Variants in RNF150 observed in about 807,000 individuals in gnomAD.
The protein encoded by RNF150 is ring finger protein 150.
In RNF150, 24 loss-of-function variants were observed where a neutral mutation model predicts 39.3. The observed-to-expected ratio is 0.61, with a 90% CI of 0.44 to 0.86. The LOEUF is 0.86. RNF150 is among the 40% of genes least tolerant of loss of function. The pLI is 0.00. For missense variants in RNF150, 502 were observed against 587.8 expected (o/e 0.85, Z 1.51); for synonymous variants, 255 against 227.3 (o/e 1.12, Z -1.10).
intron 1 of RNF150, among the ~76,000 whole-genome samples, chr4:141,038,612 G>A (rs1189424691): frequency 1.3e-5 from 2 of 151,960 alleles, no homozygotes; most frequent in African/African-American, 2.4e-5. Flanking sequence ...GATTGGTTGA[G>A]TATGGGAGGT....
At chr4:140,873,315 A>C (rs55784158) in intron 6 of RNF150, among the ~76,000 whole-genome samples, 21,491 of 152,122 alleles carry the variant, frequency 0.14, 1,833 homozygotes, top group East Asian at 0.39. Context: ...AAATGGGCTA[A>C]ATCAGTGGTT....
intron 6 of RNF150, among the ~76,000 whole-genome samples, chr4:140,894,121 T>G (rs1199730893): frequency 6.6e-6 from 1 of 152,220 alleles, no homozygotes; most frequent in African/African-American, 2.4e-5. Context: ...TGAGATCTGT[T>G]CTTAAGAAAC....
chr4:141,060,339 G>A (rs1484084207), intron 1 of RNF150, among the ~76,000 whole-genome samples: 2 of 152,142 alleles, frequency 1.3e-5, no homozygotes, highest in Admixed American at 6.5e-5. Flanking sequence ...TACTTGGGAA[G>A]TTCAGGCGGG....
intron 1 of RNF150, among the ~76,000 whole-genome samples, chr4:141,112,991 T>A (rs954598061): frequency 6.6e-6 from 1 of 152,068 alleles, no homozygotes; most frequent in African/African-American, 2.4e-5. Flanking sequence ...CAATTTCTGA[T>A]AACCTTTCTT....
chr4:141,012,421 T>C (rs1735106269), intron 1 of RNF150, among the ~76,000 whole-genome samples: 1 of 152,248 alleles, frequency 6.6e-6, no homozygotes. Flanking sequence ...ATATGGTGTG[T>C]ATGTATGTGT....
chr4:141,198,003 C>T (rs965861584), intron 1 of RNF150, among the ~76,000 whole-genome samples: 19 of 151,554 alleles, frequency 1.3e-4, no homozygotes, highest in African/African-American at 3.4e-4. Context: ...TTATTCACTA[C>T]GAACTATCTT....
chr4:140,976,079 C>T (rs544639347), intron 1 of RNF150, among the ~76,000 whole-genome samples: 26 of 152,156 alleles, frequency 1.7e-4, no homozygotes, highest in East Asian at 1.4e-3. Context: ...TTGATTGGTT[C>T]GGCTTTCCTA....
At chr4:141,048,911 T>C (rs1736680086) in intron 1 of RNF150, among the ~76,000 whole-genome samples, 1 of 152,180 alleles carries the variant, frequency 6.6e-6, no homozygotes, top group African/African-American at 2.4e-5. Context: ...ACTTCTCTCA[T>C]TGCTAACTCT....
At chr4:140,884,784 G>A (rs1303571545) in intron 6 of RNF150, among the ~76,000 whole-genome samples, 2 of 152,120 alleles carry the variant, frequency 1.3e-5, no homozygotes, top group Admixed American at 1.3e-4. Context: ...CCCTCCAAAA[G>A]TCAGAATATT....
rs534708475 is a variant in RNF150, at chr4:141,204,650, T to C, written c.-6+8144A>G. Among the ~76,000 whole-genome samples the C allele has an allele frequency of 9.2e-5, 14 of 152,284 alleles. No individual in the cohort carries two copies. In the East Asian group the frequency reaches 2.7e-3, roughly 29 times the overall value. Reference sequence around the variant, plus strand: ...TCAGGGGCAGAGCTGGAAGCAGCATTTGGGACTCACAGTGCCAATCTTGAT... The same window carrying C: ...TCAGGGGCAGAGCTGGAAGCAGCATCTGGGACTCACAGTGCCAATCTTGAT... On this transcript the variant is annotated intron_variant, in intron 1 of 7. Coordinates refer to the RNF150 transcript ENST00000420921.
intron 1 of RNF150, among the ~76,000 whole-genome samples, chr4:141,189,036 G>A (rs1728061736): frequency 6.6e-6 from 1 of 152,170 alleles, no homozygotes; most frequent in South Asian, 2.1e-4. Flanking sequence ...TTTGATCTTC[G>A]ATGCTTACGA....
chr4:141,146,666 A>G (rs1185008097), intron 1 of RNF150, among the ~76,000 whole-genome samples: 5 of 152,208 alleles, frequency 3.3e-5, no homozygotes, highest in African/African-American at 1.2e-4. Flanking sequence ...CTGTACTCTC[A>G]TCCCTTTGCC....
At chr4:141,170,245 T>G (rs868326984) in intron 1 of RNF150, among the ~76,000 whole-genome samples, 2 of 152,210 alleles carry the variant, frequency 1.3e-5, no homozygotes, top group Non-Finnish European at 2.9e-5. Flanking sequence ...ATATACAACA[T>G]ATTGACGAAT....
At chr4:141,099,086 T>A (rs1738910513) in intron 1 of RNF150, among the ~76,000 whole-genome samples, 1 of 152,170 alleles carries the variant, frequency 6.6e-6, no homozygotes. Flanking sequence ...ATAGTTATAC[T>A]GAAAATTAAT....
At chr4:141,078,743 TCG>T (rs1429962349) in intron 1 of RNF150, among the ~76,000 whole-genome samples, 3 of 136,676 alleles carry the variant, frequency 2.2e-5, no homozygotes, top group Non-Finnish European at 4.5e-5. Flanking sequence ...TGAGCCGAGA[TCG>T]TGCCACTGCA....
chr4:140,968,330 A>C (rs2111425080), intron 1 of RNF150, among the ~76,000 whole-genome samples: 1 of 152,028 alleles, frequency 6.6e-6, no homozygotes, highest in South Asian at 2.1e-4. Context: ...TCTCTCCCCC[A>C]CACAAACACT....
rs779067223 is a variant in RNF150 at position 141,132,778 on chromosome 4, T to G, written c.31A>C (p.Ser11Arg). 3.7e-6 allele frequency: 6 copies of G among 1,609,686 alleles called. No individual in the cohort carries two copies. The highest frequency in any genetic ancestry group is 2.5e-6 in the Non-Finnish European group (3 of 1,178,234). MAMSLIQACC[S>R]LALSTWLLSF... ...AGCAGCCATGTTGAGAGAGCCAGAC[T>G]GCAGCACGCTTGGATGAGAGACATT... The change falls in exon 1 of 7, where the codon AGT becomes CGT. Residue 11 changes from serine to arginine, a missense_variant. By Grantham distance (110) the Ser-to-Arg change is moderately radical. Coordinates refer to ENST00000515673, the MANE Select transcript of RNF150 (RefSeq NM_020724.2). The surrounding 1 kb of genome is among the most constrained non-coding windows in gnomAD (Gnocchi z 4.9).
chr4:140,968,530 C>T (rs2321690), intron 1 of RNF150, among the ~76,000 whole-genome samples: 75,768 of 151,090 alleles, frequency 0.5, 19,469 homozygotes, highest in East Asian at 0.79. Flanking sequence ...CACTGAACCA[C>T]GTACCAAGCA....
chr4:141,199,781 G>A (rs898276688), intron 1 of RNF150, among the ~76,000 whole-genome samples: 4 of 151,966 alleles, frequency 2.6e-5, no homozygotes, highest in African/African-American at 7.3e-5. Flanking sequence ...CAAAACCATA[G>A]GACTATATAC....
Sources: allele counts gnomAD v4.1 joint callset (sites outside exome capture counted in the v4.1 genomes callset), GRCh38; gene constraint gnomAD v4.1.1; non-coding constraint Gnocchi (gnomAD v3.1); transcripts MANE v1.5; gene names NCBI Gene and HGNC (gene_info 2026-07-23, HGNC 2026-07-21).